The following DNAH14 variants were observed in gnomAD, a reference collection of about 807,000 sequenced individuals.
DNAH14 encodes the protein axonemal beta dynein heavy chain 14.
DNAH14 carries 478 observed loss-of-function variants against 520.9 expected under a neutral mutation model. That is an observed-to-expected ratio of 0.92 (90% CI 0.85 to 0.99). The LOEUF (loss-of-function observed/expected upper bound fraction) is 0.99, where lower values mean the gene tolerates loss of function less well. DNAH14 is among the 50% of genes least tolerant of loss of function. The probability of loss-of-function intolerance (pLI) is 0.00; values close to 1 mark genes in which losing one functional copy is unlikely to be tolerated. For missense variants in DNAH14, 4,831 were observed against 5,234.5 expected, an observed-to-expected ratio of 0.92 and a Z score of 2.38; for synonymous variants, 1,581 against 1,757.2, an observed-to-expected ratio of 0.90 and a Z score of 2.51.
chr1:224,929,969 G>C, intron 1 of DNAH14, 134 bp downstream of exon 1: 1 of 514,920 alleles, frequency 1.9e-6, no homozygotes, highest in Non-Finnish European at 3.4e-6. Context: ...CAGCTGCTGT[G>C]GGAGCGCCTC....
chr1:225,308,234 GA>G, intron 59 of DNAH14, 50 bp from the exon 60 acceptor site: 1 of 1,491,744 alleles, frequency 6.7e-7, no homozygotes, highest in East Asian at 2.6e-5. Flanking sequence ...TTTTAGAAAA[GA>G]GATCATGTCT....
chr1:225,264,279 G>C lies in DNAH14; in HGVS notation c.7222+18G>C. The C allele has an allele frequency of 6.5e-7, 1 of 1,531,518 alleles. No individual in the cohort carries two copies. Among genetic ancestry groups the C allele is most frequent in the Non-Finnish European group, 8.8e-7 (1 of 1,132,326 alleles). 94.9% of individuals were successfully genotyped at this position (1,531,518 alleles called of 1,614,324 possible). A position where few individuals can be genotyped will look rare whatever the true frequency, so the allele number is the denominator to read the frequency against. On this transcript the variant is annotated intron_variant, in intron 47 of 85. Coordinates refer to ENST00000682510, the MANE Select transcript of DNAH14 (RefSeq NM_001367479.1). ...AAGTTCAGGTATATATTATAGTACA[G>C]TTTCAAAGCTATGCTATGTTTCAAA...
intron 78 of DNAH14, 62 bp from the exon 79 acceptor site, chr1:225,377,175 C>A: frequency 7.6e-7 from 1 of 1,322,224 alleles, no homozygotes; most frequent in East Asian, 2.8e-5. Flanking sequence ...TGGCAAAAAC[C>A]AACAAAGTGT....
At chr1:225,376,970 G>GT (rs5781402) in intron 78 of DNAH14, among the ~76,000 whole-genome samples, 77,688 of 149,516 alleles carry the variant, frequency 0.52, 21,741 homozygotes, top group Admixed American at 0.68. Flanking sequence ...CCTTTAAAGC[G>GT]TTTTTTTTTT....
intron 3 of DNAH14, among the ~76,000 whole-genome samples, chr1:224,955,416 G>C (rs1381505690): frequency 6.6e-6 from 1 of 152,024 alleles, no homozygotes; most frequent in Non-Finnish European, 1.5e-5. Context: ...GACCTTACAG[G>C]TGGGTCACGG....
chr1:224,972,600 G>C (rs1490395337), intron 7 of DNAH14, among the ~76,000 whole-genome samples: 2 of 152,036 alleles, frequency 1.3e-5, no homozygotes, highest in East Asian at 3.9e-4. Context: ...CGAGAAGCTG[G>C]GACTACAGGC....
At chr1:224,934,012 C>T (rs1039925992) in intron 1 of DNAH14, among the ~76,000 whole-genome samples, 1 of 151,792 alleles carries the variant, frequency 6.6e-6, no homozygotes, top group African/African-American at 2.4e-5. Context: ...ACAGCCAGTA[C>T]CATAGATATA....
chr1:225,178,071 C>T (rs1052149359), intron 36 of DNAH14, among the ~76,000 whole-genome samples: 2 of 152,126 alleles, frequency 1.3e-5, no homozygotes, highest in African/African-American at 4.8e-5. Context: ...TTTGCATCAG[C>T]GTGATCTGGA....
At chr1:225,264,311 C>A in intron 47 of DNAH14, 50 bp downstream of exon 47, 2 of 1,335,476 alleles carry the variant, frequency 1.5e-6, no homozygotes, top group Non-Finnish European at 2.1e-6. Context: ...CAAAACTTCA[C>A]AACCATGTGT....
chr1:225,295,231 T>G (rs993685969), intron 55 of DNAH14, among the ~76,000 whole-genome samples: 1 of 152,108 alleles, frequency 6.6e-6, no homozygotes, highest in African/African-American at 2.4e-5. Context: ...TTTGATATTG[T>G]TTTTTATTAT....
chr1:225,331,787 A>G (rs1450495610), intron 65 of DNAH14, among the ~76,000 whole-genome samples: 1 of 152,192 alleles, frequency 6.6e-6, no homozygotes, highest in Non-Finnish European at 1.5e-5. Flanking sequence ...CAAGTATCTG[A>G]CGTTATCTCC....
rs141671547 is a variant in DNAH14 at position 225,035,059 on chromosome 1, T to TG, written c.1359-3635_1359-3634insG. Reference sequence around the variant, plus strand: ...TTCTTTGATCTTTAAAATGTTTTTTTTGTGTGTGTGCATGTGTCTCAATTT... The same window carrying TG: ...TTCTTTGATCTTTAAAATGTTTTTTTGTGTGTGTGTGCATGTGTCTCAATTT... On this transcript the variant is annotated intron_variant, in intron 11 of 85. Coordinates refer to ENST00000682510, the MANE Select transcript of DNAH14 (RefSeq NM_001367479.1). Among the ~76,000 whole-genome samples, 1,173 of 151,650 alleles carry TG rather than the reference T, an allele frequency of 7.7e-3. 16 individuals are homozygous for TG. The highest frequency in any genetic ancestry group is 0.022 in the African/African-American group (907 of 41,372).
At chr1:224,943,137 AC>A (rs1370604582) in intron 1 of DNAH14, among the ~76,000 whole-genome samples, 1 of 152,098 alleles carries the variant, frequency 6.6e-6, no homozygotes, top group African/African-American at 2.4e-5. Flanking sequence ...GTGGTCCTGG[AC>A]TTTTATGGTT....
intron 43 of DNAH14, among the ~76,000 whole-genome samples, chr1:225,251,383 A>G (rs2092543851): frequency 6.6e-6 from 1 of 152,144 alleles, no homozygotes; most frequent in Non-Finnish European, 1.5e-5. Context: ...CATGTTGGCC[A>G]GGCTGGTCTC....
At chr1:225,113,532 G>T (rs2148831835) in intron 23 of DNAH14, among the ~76,000 whole-genome samples, 1 of 152,326 alleles carries the variant, frequency 6.6e-6, no homozygotes, top group South Asian at 2.1e-4. Flanking sequence ...ATCAGCAGGT[G>T]GTGAAGCCAG....
intron 1 of DNAH14, among the ~76,000 whole-genome samples, 177 bp from the exon 2 acceptor site, chr1:224,952,493 C>G (rs1372926765): frequency 1.3e-5 from 2 of 152,102 alleles, no homozygotes; most frequent in African/African-American, 4.8e-5. Context: ...CCTGAGAAGG[C>G]TAACTAGCTT....
chr1:225,350,451 TAAAC>T (rs1238257241), intron 71 of DNAH14, among the ~76,000 whole-genome samples: 1 of 151,136 alleles, frequency 6.6e-6, no homozygotes, highest in Non-Finnish European at 1.5e-5. Flanking sequence ...AGAAAAAAAA[TAAAC>T]AAAACTAAAG....
At position 225,079,434 on chromosome 1, in the gene DNAH14, A is replaced by T. The variant is rs570373884; in HGVS notation, c.2652A>T (p.Lys884Asn). The T allele has an allele frequency of 2.0e-4, 314 of 1,548,702 alleles. 1 individual carries two copies. In the African/African-American group the frequency reaches 3.6e-3, roughly 18 times the overall value. ...TTCTTCTTAAGTTTAGTCAACTAAA[A>T]TCATCTATGAAGTTAAGTAAAATAA... is the stretch of plus-strand genomic sequence containing the variant. ...QVLLLKFSQL[K>N]SSMKLSKINK... is the part of the protein sequence containing the mutation. The change falls in exon 18 of 86, where the codon AAA (lysine) becomes AAT (asparagine). Residue 884 changes from lysine to asparagine, a missense_variant. By Grantham distance (94) the Lys-to-Asn change is moderately conservative (BLOSUM62 0). Coordinates refer to ENST00000682510, the MANE Select transcript of DNAH14 (RefSeq NM_001367479.1).
chr1:224,955,299 C>T (rs892658949), intron 3 of DNAH14, among the ~76,000 whole-genome samples: 5 of 152,074 alleles, frequency 3.3e-5, no homozygotes, highest in Non-Finnish European at 5.9e-5. Flanking sequence ...ATAAAAGTAA[C>T]GAATATTACT....
Sources: gnomAD v4.1 joint callset for allele counts (sites outside exome capture counted in the v4.1 genomes callset) on GRCh38, gnomAD v4.1.1 for gene constraint, MANE v1.5 for transcripts, NCBI Gene and HGNC (gene_info 2026-07-23, HGNC 2026-07-21) for gene names.